Variants in FAM169A observed in about 807,000 individuals in gnomAD.
FAM169A encodes soluble lamin-associated protein of 75 kDa.
A neutral mutation model predicts 75.7 loss-of-function variants in FAM169A; 24 were observed. That is an observed-to-expected ratio of 0.32 (90% CI 0.23 to 0.45). The LOEUF (loss-of-function observed/expected upper bound fraction) is 0.45, where lower values mean the gene tolerates loss of function less well. Ranked by LOEUF, FAM169A falls within the 20% of genes least tolerant of loss-of-function variation. The pLI is 1.00. For missense variants in FAM169A, 673 were observed against 784.0 expected (o/e 0.86, Z 1.69); for synonymous variants, 271 against 271.0 (o/e 1.00, Z 0.00).
At chr5:74,786,729 G>A (rs1745713861) in intron 11 of FAM169A, among the ~76,000 whole-genome samples, 1 of 152,184 alleles carries the variant, frequency 6.6e-6, no homozygotes, top group Non-Finnish European at 1.5e-5. Flanking sequence ...CTTATCTCCT[G>A]TAGACAAAGA....
At chr5:74,796,971 T>C (rs1243728987) in intron 10 of FAM169A, among the ~76,000 whole-genome samples, 1 of 152,188 alleles carries the variant, frequency 6.6e-6, no homozygotes, top group African/African-American at 2.4e-5. Context: ...ACAGCTCTGC[T>C]TCAGGCCCCA....
intron 1 of FAM169A, among the ~76,000 whole-genome samples, chr5:74,856,578 A>G (rs1035740758): frequency 1.3e-5 from 2 of 152,222 alleles, no homozygotes; most frequent in South Asian, 2.1e-4. Context: ...GAGCTAGGGG[A>G]AAAATAAAAT....
intron 11 of FAM169A, among the ~76,000 whole-genome samples, chr5:74,790,925 C>A (rs1445166535): frequency 2.6e-5 from 4 of 152,190 alleles, no homozygotes; most frequent in Non-Finnish European, 5.9e-5. Context: ...CTGGAATAGA[C>A]ACCTACTCTG....
intron 3 of FAM169A, among the ~76,000 whole-genome samples, chr5:74,839,338 T>TG (rs970419239): frequency 7.9e-5 from 12 of 151,744 alleles, no homozygotes; most frequent in Middle Eastern, 3.4e-3. Context: ...TGGGTCAGGG[T>TG]GGGGGGGTCC....
At chr5:74,785,151 T>A (rs2112465151) in intron 11 of FAM169A, among the ~76,000 whole-genome samples, 1 of 151,712 alleles carries the variant, frequency 6.6e-6, no homozygotes, top group Admixed American at 6.6e-5. Context: ...AAACCCCATC[T>A]CTACTAAAAA....
chr5:74,817,209 G>C (rs1747514347), intron 5 of FAM169A, among the ~76,000 whole-genome samples: 1 of 151,770 alleles, frequency 6.6e-6, no homozygotes, highest in Non-Finnish European at 1.5e-5. Context: ...AATTAGGCAA[G>C]AAAAAGAAAG....
At chr5:74,845,315 G>A (rs1442436959) in intron 1 of FAM169A, among the ~76,000 whole-genome samples, 7 of 152,014 alleles carry the variant, frequency 4.6e-5, no homozygotes, top group South Asian at 2.1e-4. Context: ...TCAGGAGATC[G>A]AGACCATCCT....
intron 5 of FAM169A, among the ~76,000 whole-genome samples, chr5:74,820,877 T>C (rs1395670373): frequency 6.6e-6 from 1 of 152,186 alleles, no homozygotes; most frequent in Non-Finnish European, 1.5e-5. Flanking sequence ...TCTCTCCTAA[T>C]CCATATCAAT....
chr5:74,817,535 T>TA (rs1199560577), intron 5 of FAM169A, among the ~76,000 whole-genome samples: 13 of 151,712 alleles, frequency 8.6e-5, no homozygotes, highest in Admixed American at 6.6e-4. Flanking sequence ...AGAGAACACC[T>TA]AAAAAAAATG....
intron 4 of FAM169A, 128 bp downstream of exon 4, chr5:74,838,836 AT>A: frequency 1.4e-6 from 1 of 713,312 alleles, no homozygotes; most frequent in African/African-American, 1.8e-5. Flanking sequence ...CATCGTAAGA[AT>A]GAAATTCTAG....
At chr5:74,833,403 T>G (rs997896696) in intron 5 of FAM169A, among the ~76,000 whole-genome samples, 1 of 152,186 alleles carries the variant, frequency 6.6e-6, no homozygotes, top group Non-Finnish European at 1.5e-5. Context: ...TATTTCAAAT[T>G]TATACAAGAA....
chr5:74,825,793 T>C (rs1214211781), intron 5 of FAM169A, among the ~76,000 whole-genome samples: 1 of 152,152 alleles, frequency 6.6e-6, no homozygotes, highest in Non-Finnish European at 1.5e-5. Context: ...CTTGATCTTT[T>C]GTCTAAATCA....
chr5:74,791,924 C>A (rs932940906), intron 11 of FAM169A, among the ~76,000 whole-genome samples: 4 of 152,198 alleles, frequency 2.6e-5, no homozygotes, highest in Non-Finnish European at 4.4e-5. Flanking sequence ...GTATTTCTTC[C>A]TTATTTTGTT....
intron 11 of FAM169A, among the ~76,000 whole-genome samples, chr5:74,790,362 A>G (rs1456200483): frequency 6.6e-6 from 1 of 152,206 alleles, no homozygotes; most frequent in African/African-American, 2.4e-5. Flanking sequence ...CTGGTTGTGC[A>G]CGTTCCAAGG....
chr5:74,839,965 A>G, intron 3 of FAM169A, 109 bp downstream of exon 3: 1 of 562,854 alleles, frequency 1.8e-6, no homozygotes, highest in Middle Eastern at 4.3e-4. Flanking sequence ...TTACAATTTG[A>G]AACACTTTAA....
chr5:74,789,027 T>A (rs1158031054), intron 11 of FAM169A, among the ~76,000 whole-genome samples: 4 of 152,244 alleles, frequency 2.6e-5, no homozygotes, highest in African/African-American at 9.6e-5. Context: ...TTCCTGTCCA[T>A]AAGGCCCACC....
At chr5:74,794,080 T>A (rs960047663) in intron 11 of FAM169A, among the ~76,000 whole-genome samples, 10 of 148,156 alleles carry the variant, frequency 6.7e-5, no homozygotes, top group Non-Finnish European at 1.3e-4. Flanking sequence ...TGGTGGGTCA[T>A]GCCTGTAATC....
intron 6 of FAM169A, among the ~76,000 whole-genome samples, chr5:74,810,819 CTTT>C (rs59139246): frequency 0.037 from 4,253 of 115,072 alleles, 102 homozygotes; most frequent in African/African-American, 0.097. Context: ...GATATTTGCC[CTTT>C]TTTTTTTTTT....
At position 74,865,155 on chromosome 5, in the gene FAM169A, G is replaced by C. The variant is rs1052629192; in HGVS notation, c.-4+1010C>G. Among the ~76,000 whole-genome samples the C allele has an allele frequency of 2.6e-5, 4 of 152,208 alleles. No individual in the cohort carries two copies. In the East Asian group the frequency reaches 5.8e-4, roughly 22 times the overall value. On this transcript the variant is annotated intron_variant, in intron 1 of 12. Coordinates refer to ENST00000687041, the MANE Select transcript of FAM169A (RefSeq NM_001376049.1). ...GGCTTGGGTATAATCTGCTCAGTTC[G>C]TAAGTAGTAATTCGCAAGAAGCCAA...
Sources: gnomAD v4.1 joint callset for allele counts (sites outside exome capture counted in the v4.1 genomes callset) on GRCh38, gnomAD v4.1.1 for gene constraint, MANE v1.5 for transcripts, NCBI Gene and HGNC (gene_info 2026-07-23, HGNC 2026-07-21) for gene names.